Variants in TAB1 observed in about 807,000 individuals in gnomAD.
TAB1 encodes the protein TGF-beta activated kinase 1 (MAP3K7) binding protein 1.
TAB1 carries 30 observed loss-of-function variants against 54.5 expected under a neutral mutation model. The observed-to-expected ratio is 0.55, with a 90% CI of 0.41 to 0.75. The LOEUF is 0.75. Ranked by LOEUF, TAB1 falls within the 30% of genes least tolerant of loss-of-function variation. The probability of loss-of-function intolerance (pLI) is 0.00; values close to 1 mark genes in which losing one functional copy is unlikely to be tolerated. For synonymous variants in TAB1, 289 were observed against 286.9 expected (o/e 1.01, Z -0.07); for missense variants, 609 against 683.2 (o/e 0.89, Z 1.21).
chr22:39,435,328 C>A (rs1003426012), downstream of TAB1, among the ~76,000 whole-genome samples: 2 of 152,132 alleles, frequency 1.3e-5, no homozygotes, highest in East Asian at 3.9e-4. Flanking sequence ...GTTTATAGAT[C>A]TGCGCTTCAC....
rs139792824 is a variant in TAB1 at position 39,426,743 on chromosome 22, C to A, written c.962C>A (p.Thr321Asn). The A allele has an allele frequency of 1.2e-6, 2 of 1,609,982 alleles. No individual in the cohort carries two copies. Among genetic ancestry groups the A allele is most frequent in the Middle Eastern group, 1.7e-4 (1 of 6,050 alleles). Reference sequence around the variant, plus strand: ...ATTGACACTGAGTTTGCCAAGCAGACCTCCCTGGACGCAGTGGCCCAGGCC... The same window carrying A: ...ATTGACACTGAGTTTGCCAAGCAGAACTCCCTGGACGCAGTGGCCCAGGCC... ...AMIDTEFAKQ[T>N]SLDAVAQAVV... Residue 321 changes from threonine (T) to asparagine (N), a missense_variant, in exon 9 of 11, where the codon ACC becomes AAC. Coordinates refer to ENST00000216160, the MANE Select transcript of TAB1 (RefSeq NM_006116.3).
At chr22:39,402,289 T>G (rs1204930039) in intron 1 of TAB1, among the ~76,000 whole-genome samples, 1 of 152,180 alleles carries the variant, frequency 6.6e-6, no homozygotes, top group Non-Finnish European at 1.5e-5. Flanking sequence ...GTGCTGGGAT[T>G]ACAGGCATGA....
chr22:39,418,016 T>C (rs1239550891), intron 5 of TAB1, among the ~76,000 whole-genome samples, 167 bp downstream of exon 5: 2 of 152,220 alleles, frequency 1.3e-5, no homozygotes, highest in East Asian at 3.8e-4. Flanking sequence ...CAGTCCCAAC[T>C]GGAAGGGAGA....
At chr22:39,407,822 A>G (rs1457170445) in intron 1 of TAB1, among the ~76,000 whole-genome samples, 2 of 151,130 alleles carry the variant, frequency 1.3e-5, no homozygotes, top group Non-Finnish European at 1.5e-5. Context: ...GGTTTTCACC[A>G]TGTTAGCCAG....
chr22:39,431,092 T>C lies in TAB1; in HGVS notation c.*870T>C. The C allele has an allele frequency of 9.1e-6, 9 of 985,676 alleles. No individual in the cohort carries two copies. The highest frequency in any genetic ancestry group is 1.1e-5 in the Non-Finnish European group (9 of 830,100). 61.1% of individuals were successfully genotyped at this position (985,676 alleles called of 1,614,324 possible). On this transcript the variant is annotated 3_prime_UTR_variant, in exon 11 of 11. Coordinates refer to ENST00000216160, the MANE Select transcript of TAB1 (RefSeq NM_006116.3). ...GTCTTTACCACTGATGAGGGGCCTCTGCCGGCTGAGGGTAGCAAGCAGGGG... is the reference window on the plus strand; with the variant it reads ...GTCTTTACCACTGATGAGGGGCCTCCGCCGGCTGAGGGTAGCAAGCAGGGG...
At chr22:39,417,035 C>T (rs1405458323) in intron 4 of TAB1, among the ~76,000 whole-genome samples, 158 bp downstream of exon 4, 2 of 152,234 alleles carry the variant, frequency 1.3e-5, no homozygotes, top group East Asian at 1.9e-4. Context: ...AGGTGAGGGA[C>T]CTCGCTGCTC....
intron 3 of TAB1, among the ~76,000 whole-genome samples, chr22:39,416,327 G>A (rs1252386501): frequency 6.6e-6 from 1 of 152,236 alleles, no homozygotes; most frequent in Non-Finnish European, 1.5e-5. Context: ...AAGCCTCCCA[G>A]AAAGAAGTTG....
Position 39,430,512 on chromosome 22 carries a change from C to A in TAB1, c.*290C>A, listed in dbSNP as rs1338957974. 16 of 1,305,196 alleles carry A rather than the reference C, an allele frequency of 1.2e-5. No individual in the cohort carries two copies. The highest frequency in any genetic ancestry group is 1.5e-5 in the African/African-American group (1 of 67,056). 80.9% of individuals were successfully genotyped at this position (1,305,196 alleles called of 1,614,324 possible). ...GGCCAGGTATAGAAACCGCAGTGGGCCTGCAAGCCGCCCGAGCCTCCCCAG... is the reference window on the plus strand; with the variant it reads ...GGCCAGGTATAGAAACCGCAGTGGGACTGCAAGCCGCCCGAGCCTCCCCAG... On this transcript the variant is annotated 3_prime_UTR_variant, in exon 11 of 11. Transcript: ENST00000216160.
At chr22:39,425,494 T>C (rs1200908856) in intron 8 of TAB1, among the ~76,000 whole-genome samples, 1 of 152,094 alleles carries the variant, frequency 6.6e-6, no homozygotes, top group Non-Finnish European at 1.5e-5. Context: ...TCTGAGCACA[T>C]TTAAGGTAGG....
At chr22:39,436,471 G>A (rs1357581922), downstream of TAB1, 7 of 1,605,716 alleles carry the variant, frequency 4.4e-6, no homozygotes, top group East Asian at 2.2e-5. Context: ...GTGTCATGAA[G>A]TTTCCTCCTG....
At position 39,415,286 on chromosome 22, in the gene TAB1, A is replaced by G; in HGVS notation, c.170+144A>G. On this transcript the variant is annotated intron_variant, in intron 2 of 10. Coordinates refer to ENST00000216160, the MANE Select transcript of TAB1 (RefSeq NM_006116.3). The surrounding 1 kb of genome is among the most constrained non-coding windows in gnomAD (Gnocchi z 4.9). ...GGTGGCCTCTGCTGCTGTCTTGCCA[A>G]GGGCCTGCTCTGATGGGGTAGCGTG... 8.5e-7 allele frequency: 1 copy of G among 1,173,264 alleles called. No homozygotes were observed. Among genetic ancestry groups the G allele is most frequent in the Non-Finnish European group, 1.2e-6 (1 of 843,656 alleles). The allele number at this position is 1,173,264 out of a possible 1,614,324, so 72.7% of individuals were successfully genotyped here.
Position 39,431,842 on chromosome 22 carries a change from A to G in TAB1, c.*1620A>G, listed in dbSNP as rs912085023. The G allele has an allele frequency of 2.4e-5, 24 of 985,440 alleles. No homozygotes were observed. The highest frequency in any genetic ancestry group is 2.9e-5 in the Non-Finnish European group (24 of 829,916). The allele number at this position is 985,440 out of a possible 1,614,324, so 61.0% of individuals were successfully genotyped here. On this transcript the variant is annotated 3_prime_UTR_variant, in exon 11 of 11. Transcript: ENST00000216160. Reference sequence around the variant, plus strand: ...AACAGGGTCACTTTTTTAATGTAGTAAAGAAGTAATAAATGGTGGCATTAC... The same window carrying G: ...AACAGGGTCACTTTTTTAATGTAGTGAAGAAGTAATAAATGGTGGCATTAC...
rs748558457 is a variant in TAB1, at chr22:39,426,824, G to A, written c.1043G>A (p.Arg348His). 1.4e-5 allele frequency: 23 copies of A among 1,613,738 alleles called. No homozygotes were observed. The highest frequency in any genetic ancestry group is 4.5e-5 in the East Asian group (2 of 44,888). The change falls in exon 9 of 11, where the codon CGT becomes CAT. Residue 348 changes from arginine to histidine, a missense_variant. By Grantham distance (29) the Arg-to-His change is conservative. Coordinates refer to ENST00000216160, the MANE Select transcript of TAB1 (RefSeq NM_006116.3). ...HSDTFASGGERARFCPRHEDM... is the reference protein window; with the variant it reads ...HSDTFASGGEHARFCPRHEDM... ...GACACCTTCGCCAGTGGTGGGGAGC[G>A]TGCCAGGTTCTGCCCCCGGCACGAG...
rs753268050 is a variant in TAB1, at chr22:39,419,544, G to T, written c.690G>T (p.Gln230His). ...QLGLDAGKIK[Q>H]VGIICGQEST... ...GCTTGGATGCTGGAAAGATCAAGCAGGTGGGGATCATCTGTGGGCAGGAGA... is the reference window on the plus strand; with the variant it reads ...GCTTGGATGCTGGAAAGATCAAGCATGTGGGGATCATCTGTGGGCAGGAGA... The change falls in exon 7 of 11, where the codon CAG becomes CAT. Residue 230 changes from glutamine to histidine, a missense_variant. By Grantham distance (24) the Gln-to-His change is conservative (BLOSUM62 0). Transcript: ENST00000216160. The T allele has an allele frequency of 6.2e-7, 1 of 1,612,676 alleles. No individual in the cohort carries two copies. Among genetic ancestry groups the T allele is most frequent in the Admixed American group, 1.7e-5 (1 of 59,894 alleles).
At chr22:39,413,155 C>T (rs1926680382) in intron 1 of TAB1, among the ~76,000 whole-genome samples, 1 of 152,034 alleles carries the variant, frequency 6.6e-6, no homozygotes, top group Non-Finnish European at 1.5e-5. Context: ...ACCTCATGAT[C>T]CACCTGCCTC....
chr22:39,430,865 G>A lies in TAB1; in HGVS notation c.*643G>A. The A allele has an allele frequency of 1.0e-6, 1 of 989,372 alleles. No homozygotes were observed. Among genetic ancestry groups the A allele is most frequent in the Non-Finnish European group, 1.2e-6 (1 of 832,148 alleles). 61.3% of individuals were successfully genotyped at this position (989,372 alleles called of 1,614,324 possible). On this transcript the variant is annotated 3_prime_UTR_variant, in exon 11 of 11. Transcript: ENST00000216160. ...AGGTGGAAAGGAGCCAGGGGGAAGTGGTCTAAGAGACCTGGAACTGCCAGA... is the reference window on the plus strand; with the variant it reads ...AGGTGGAAAGGAGCCAGGGGGAAGTAGTCTAAGAGACCTGGAACTGCCAGA...
At chr22:39,402,140 C>T (rs773714732) in intron 1 of TAB1, among the ~76,000 whole-genome samples, 2 of 151,926 alleles carry the variant, frequency 1.3e-5, no homozygotes, top group Non-Finnish European at 2.9e-5. Flanking sequence ...AGGGCCATTC[C>T]AGGAGGATGT....
chr22:39,419,612 C>G lies in TAB1; in HGVS notation c.758C>G (p.Thr253Arg), dbSNP rs141989826. ...GATTACAAGGTTAAATATGGCTACACGGACATTGACCTTCTCAGGTAGGTG... is the reference window on the plus strand; with the variant it reads ...GATTACAAGGTTAAATATGGCTACAGGGACATTGACCTTCTCAGGTAGGTG... Reference protein sequence around the residue: ...IGDYKVKYGYTDIDLLSAAKS... With the variant: ...IGDYKVKYGYRDIDLLSAAKS... The change falls in exon 7 of 11, where the codon ACG becomes AGG. Residue 253 changes from threonine to arginine, a missense_variant. Thr to Arg is a moderately conservative substitution (Grantham distance 71). Transcript: ENST00000216160. 2.3e-4 allele frequency: 367 copies of G among 1,610,530 alleles called. No individual in the cohort carries two copies. Among genetic ancestry groups the G allele is most frequent in the Non-Finnish European group, 3.0e-4 (354 of 1,177,680 alleles).
chr22:39,414,995 T>C lies in TAB1; in HGVS notation c.34-11T>C, dbSNP rs1261934089. The stretch of plus-strand genomic sequence containing the variant: ...GGTGGCGTCTCACGGCTTCCTGGTG[T>C]CCTTCCCCAGGAGCAGCAGCCAAGC... On this transcript the variant is annotated splice_polypyrimidine_tract_variant and intron_variant, in intron 1 of 10. Coordinates refer to ENST00000216160, the MANE Select transcript of TAB1 (RefSeq NM_006116.3). The C allele has an allele frequency of 3.7e-6, 6 of 1,613,732 alleles. No homozygotes were observed. The Admixed American group carries it at 1.0e-4, about 27-fold the overall frequency.
Sources: gnomAD v4.1 joint callset for allele counts (sites outside exome capture counted in the v4.1 genomes callset) on GRCh38, gnomAD v4.1.1 for gene constraint, Gnocchi (gnomAD v3.1) non-coding constraint, MANE v1.5 for transcripts, NCBI Gene and HGNC (gene_info 2026-07-23, HGNC 2026-07-21) for gene names.